PIK3C2G: variants seen among roughly 807,000 people sequenced by gnomAD.
PIK3C2G encodes the protein phosphatidylinositol 3-kinase C2 domain-containing subunit gamma.
In PIK3C2G, 168 loss-of-function variants were observed where a neutral mutation model predicts 181.1. The observed-to-expected ratio is 0.93, with a 90% CI of 0.82 to 1.05. PIK3C2G has a LOEUF of 1.05. Among genes scored for constraint, PIK3C2G ranks in the 50% least tolerant of loss-of-function variants. The pLI is 0.00. For missense variants in PIK3C2G, 1,869 were observed against 1,732.8 expected, an observed-to-expected ratio of 1.08 and a Z score of -1.40; for synonymous variants, 573 against 592.2, an observed-to-expected ratio of 0.97 and a Z score of 0.47.
At chr12:18,450,215 C>T (rs1021572460) in intron 18 of PIK3C2G, among the ~76,000 whole-genome samples, 1 of 152,236 alleles carries the variant, frequency 6.6e-6, no homozygotes, top group African/African-American at 2.4e-5. Flanking sequence ...CAACCTCCAC[C>T]TCCTGGGTTC....
chr12:18,609,664 C>T, intron 31 of PIK3C2G, 35 bp downstream of exon 31: 1 of 1,294,860 alleles, frequency 7.7e-7, no homozygotes, highest in Non-Finnish European at 1.1e-6. Context: ...AACATGTAAG[C>T]CTACATCCAG....
intron 13 of PIK3C2G, among the ~76,000 whole-genome samples, chr12:18,373,264 T>C (rs1942200568): frequency 6.6e-6 from 1 of 152,210 alleles, no homozygotes; most frequent in South Asian, 2.1e-4. Context: ...GGGTAATCCC[T>C]GCTCATAAAC....
chr12:18,324,082 T>A (rs1184584949), intron 7 of PIK3C2G, among the ~76,000 whole-genome samples: 2 of 151,934 alleles, frequency 1.3e-5, no homozygotes, highest in Non-Finnish European at 2.9e-5. Context: ...TAGCCGGGCG[T>A]GGTGGCGGGC....
chr12:18,275,325 T>C (rs1326064349), intron 1 of PIK3C2G, among the ~76,000 whole-genome samples: 1 of 152,168 alleles, frequency 6.6e-6, no homozygotes, highest in Admixed American at 6.6e-5. Context: ...TGTCTTCACC[T>C]TTCTTCATTC....
Position 18,501,038 on chromosome 12 carries a change from G to A in PIK3C2G, c.3017-2243G>A, listed in dbSNP as rs1026690903. ...CAGCGAGACCACGAACCCACCAGAA[G>A]GAAGAAACTCCGAACACATCCGAAC... On this transcript the variant is annotated intron_variant, in intron 22 of 32. Coordinates refer to ENST00000538779, the MANE Select transcript of PIK3C2G (RefSeq NM_001288772.2). Among the ~76,000 whole-genome samples the A allele has an allele frequency of 2.5e-4, 38 of 151,846 alleles. 1 individual carries two copies.
chr12:18,369,328 C>T (rs982187417), intron 12 of PIK3C2G, among the ~76,000 whole-genome samples: 5 of 152,170 alleles, frequency 3.3e-5, no homozygotes, highest in Non-Finnish European at 5.9e-5. Context: ...CCCATCTCAA[C>T]TCCTAGAAAA....
chr12:18,619,120 A>AAAACTGCTGAAAACTAAAAACAATCT (rs1948731774), intron 31 of PIK3C2G, among the ~76,000 whole-genome samples: 1 of 151,426 alleles, frequency 6.6e-6, no homozygotes, highest in African/African-American at 2.4e-5. Context: ...ACATTGTAAT[A>AAAACTGCTGAAAACTAAAAACAATCT]AAACTGCTGA....
At chr12:18,271,869 T>C (rs1384701039) in intron 1 of PIK3C2G, among the ~76,000 whole-genome samples, 1 of 152,196 alleles carries the variant, frequency 6.6e-6, no homozygotes, top group African/African-American at 2.4e-5. Context: ...CAATGAATCA[T>C]GCTACCTAAT....
intron 18 of PIK3C2G, among the ~76,000 whole-genome samples, chr12:18,432,353 A>T (rs539458919): frequency 6.6e-6 from 1 of 152,252 alleles, no homozygotes; most frequent in South Asian, 2.1e-4. Context: ...TACATAATGA[A>T]CTCAAATGTT....
chr12:18,559,863 GAGAC>G (rs1449921088), intron 26 of PIK3C2G, among the ~76,000 whole-genome samples: 8 of 128,348 alleles, frequency 6.2e-5, no homozygotes, highest in African/African-American at 1.8e-4. Flanking sequence ...GAGAGAGAGA[GAGAC>G]AGTTTTGCTC....
At chr12:18,289,104 G>T (rs556085716) in intron 3 of PIK3C2G, among the ~76,000 whole-genome samples, 4 of 152,150 alleles carry the variant, frequency 2.6e-5, no homozygotes, top group African/African-American at 9.6e-5. Flanking sequence ...TAATTATTTT[G>T]TACACAACAG....
chr12:18,602,246 T>C (rs527500140), intron 30 of PIK3C2G, among the ~76,000 whole-genome samples: 26 of 152,130 alleles, frequency 1.7e-4, no homozygotes, highest in African/African-American at 6.0e-4. Flanking sequence ...GGGTGAGGCC[T>C]GTTACTGCCA....
chr12:18,507,101 A>G (rs1941884791), intron 24 of PIK3C2G, among the ~76,000 whole-genome samples: 1 of 150,972 alleles, frequency 6.6e-6, no homozygotes, highest in African/African-American at 2.4e-5. Context: ...ATGATCTTGG[A>G]TGACTGCAAC....
chr12:18,582,354 G>A (rs1946542682), intron 29 of PIK3C2G, among the ~76,000 whole-genome samples: 1 of 152,090 alleles, frequency 6.6e-6, no homozygotes, highest in Non-Finnish European at 1.5e-5. Flanking sequence ...AGGAACCACA[G>A]TTTTCACATG....
chr12:18,712,876 G>C, the PIK3C2G span: 1 of 1,613,914 alleles, frequency 6.2e-7, no homozygotes, highest in Non-Finnish European at 8.5e-7. Context: ...TTGGATAACA[G>C]TTTTAAACAG....
chr12:18,653,255 G>A (rs1950597205), downstream of PIK3C2G, among the ~76,000 whole-genome samples: 2 of 152,116 alleles, frequency 1.3e-5, no homozygotes, highest in South Asian at 4.1e-4. Context: ...GCCATCATTA[G>A]TCACATATTA....
At chr12:18,694,762 G>T in the PIK3C2G span, 2 of 616,662 alleles carry the variant, frequency 3.2e-6, no homozygotes, top group African/African-American at 1.9e-5. Context: ...ATAGAAGGAT[G>T]CTGGAATACT....
chr12:18,506,412 G>T (rs960505340), intron 24 of PIK3C2G, among the ~76,000 whole-genome samples: 1 of 152,172 alleles, frequency 6.6e-6, no homozygotes, highest in African/African-American at 2.4e-5. Context: ...TTGATACCTT[G>T]TGTAATGGAG....
At chr12:18,360,039 T>C (rs1265223022) in intron 11 of PIK3C2G, among the ~76,000 whole-genome samples, 1 of 152,178 alleles carries the variant, frequency 6.6e-6, no homozygotes, top group Admixed American at 6.5e-5. Flanking sequence ...TTCTTTGTCT[T>C]TTCCTCTCTG....
Sources: gnomAD v4.1 joint callset for allele counts (sites outside exome capture counted in the v4.1 genomes callset) on GRCh38, gnomAD v4.1.1 for gene constraint, MANE v1.5 for transcripts, NCBI Gene and HGNC (gene_info 2026-07-23, HGNC 2026-07-21) for gene names.